SEMA3A: variants seen among roughly 807,000 people sequenced by gnomAD.
SEMA3A encodes the protein semaphorin 3A, also known as semaphorin-3A.
SEMA3A carries 29 observed loss-of-function variants against 97.9 expected under a neutral mutation model. That is an observed-to-expected ratio of 0.30 (90% CI 0.22 to 0.40). The LOEUF is 0.40. Among genes scored for constraint, SEMA3A ranks in the 10% least tolerant of loss-of-function variants. The probability of loss-of-function intolerance (pLI) is 1.00; values close to 1 mark genes in which losing one functional copy is unlikely to be tolerated. For missense variants in SEMA3A, 763 were observed against 951.3 expected (o/e 0.80, Z 2.60); for synonymous variants, 321 against 323.7 (o/e 0.99, Z 0.09).
chr7:84,173,690 CT>C (rs553987526), intron 1 of SEMA3A, among the ~76,000 whole-genome samples: 3 of 152,164 alleles, frequency 2.0e-5, no homozygotes, highest in Non-Finnish European at 4.4e-5. Flanking sequence ...TTCTACTCAG[CT>C]ACCCCATAGT....
At chr7:84,165,160 T>C (rs1169303435) in intron 1 of SEMA3A, among the ~76,000 whole-genome samples, 1 of 152,104 alleles carries the variant, frequency 6.6e-6, no homozygotes, top group African/African-American at 2.4e-5. Flanking sequence ...TGAACCGTGA[T>C]AGCGCCATTG....
intron 3 of SEMA3A, among the ~76,000 whole-genome samples, chr7:84,247,479 T>C (rs999434385): frequency 6.6e-6 from 1 of 152,162 alleles, no homozygotes; most frequent in African/African-American, 2.4e-5. Flanking sequence ...ATGGATAACA[T>C]ATGTAATTGG....
Position 84,054,754 on chromosome 7 carries a change from C to T in SEMA3A, c.547+5711G>A, listed in dbSNP as rs926511122. Reference sequence around the variant, plus strand: ...TTGTTCCGTTGCTGGTGAGGAACTGCGTTCCTTTGGAGGAGGAGAGGCGCT... The same window carrying T: ...TTGTTCCGTTGCTGGTGAGGAACTGTGTTCCTTTGGAGGAGGAGAGGCGCT... On this transcript the variant is annotated intron_variant, in intron 5 of 16. Coordinates refer to ENST00000265362, the MANE Select transcript of SEMA3A (RefSeq NM_006080.3). Among the ~76,000 whole-genome samples, 208 of 147,270 alleles carry T rather than the reference C, an allele frequency of 1.4e-3. 1 individual carries two copies. The highest frequency in any genetic ancestry group is 2.0e-3 in the African/African-American group (79 of 40,030).
intron 9 of SEMA3A, among the ~76,000 whole-genome samples, chr7:84,010,698 A>C (rs948465979): frequency 4.0e-5 from 6 of 150,378 alleles, no homozygotes; most frequent in Non-Finnish European, 8.8e-5. Flanking sequence ...ACTCTTCCCA[A>C]AACTCAGACT....
intron 2 of SEMA3A, 142 bp from the exon 3 acceptor site, chr7:84,129,327 C>T (rs769966370): frequency 7.5e-6 from 5 of 670,830 alleles, no homozygotes; most frequent in Non-Finnish European, 1.3e-5. Context: ...TCACTTTAGA[C>T]CTTCCAGTGG....
intron 1 of SEMA3A, among the ~76,000 whole-genome samples, chr7:84,404,061 T>G (rs1360770809): frequency 6.6e-6 from 1 of 152,064 alleles, no homozygotes; most frequent in Admixed American, 6.5e-5. Context: ...TTTGAAGAGT[T>G]GAGAGAAGAA....
chr7:84,207,944 G>A lies in SEMA3A; in HGVS notation c.-82-13276C>T, dbSNP rs369820900. On this transcript the variant is annotated intron_variant, in intron 3 of 3. Transcript: ENST00000424555. ...AGGTTTTTCTTCCTAAGATTATAAG[G>A]CATTTTAGTCTTGTGTATTTTATAT... 5.9e-5 allele frequency among the ~76,000 whole-genome samples: 9 copies of A among 152,140 alleles called. 1 individual carries two copies. Among genetic ancestry groups the A allele is most frequent in the Admixed American group, 1.3e-4 (2 of 15,280 alleles).
intron 4 of SEMA3A, among the ~76,000 whole-genome samples, chr7:84,091,275 GAAAA>G (rs1562774838): frequency 1.7e-5 from 2 of 119,100 alleles, no homozygotes; most frequent in East Asian, 4.1e-4. Flanking sequence ...GAAAAAGAAA[GAAAA>G]GAAAGAAAGA....
intron 1 of SEMA3A, among the ~76,000 whole-genome samples, chr7:84,445,421 G>A (rs1306550430): frequency 7.1e-6 from 1 of 140,142 alleles, no homozygotes; most frequent in African/African-American, 2.7e-5. Flanking sequence ...ATGAACCCAG[G>A]AGGCAGAGCT....
intron 1 of SEMA3A, among the ~76,000 whole-genome samples, chr7:84,487,158 G>T (rs1275824215): frequency 2.0e-5 from 3 of 152,028 alleles, no homozygotes; most frequent in Admixed American, 6.6e-5. Flanking sequence ...CAAATGAAAA[G>T]AAATATTTAA....
At chr7:84,099,228 G>A (rs1250876774) in intron 4 of SEMA3A, among the ~76,000 whole-genome samples, 193 of 107,080 alleles carry the variant, frequency 1.8e-3, no homozygotes, top group South Asian at 3.2e-3. Context: ...CCGCTACCAC[G>A]CCCGGCTAAT....
rs1790468205 is a variant in SEMA3A, at chr7:84,001,890, G to A, written c.1452+65C>T. 5.5e-6 allele frequency: 6 copies of A among 1,081,772 alleles called. 1 individual carries two copies. In the Admixed American group the frequency reaches 5.6e-5, roughly 10 times the overall value. 67.0% of individuals were successfully genotyped at this position (1,081,772 alleles called of 1,614,324 possible). ...TACTTGTCCATACCAAGTTCAGTGTGCAGCTGTCCTGGGGGAAAGACGTAC... is the reference window on the plus strand; with the variant it reads ...TACTTGTCCATACCAAGTTCAGTGTACAGCTGTCCTGGGGGAAAGACGTAC... On this transcript the variant is annotated intron_variant, in intron 12 of 16. Transcript: ENST00000265362.
intron 3 of SEMA3A, among the ~76,000 whole-genome samples, chr7:84,200,556 CG>C (rs1184996748): frequency 6.6e-6 from 1 of 152,062 alleles, no homozygotes; most frequent in Admixed American, 6.6e-5. Context: ...AGCTAAAATA[CG>C]GTTATAGAAA....
At position 83,989,655 on chromosome 7, in the gene SEMA3A, T is replaced by TG. The variant is rs1789810274; in HGVS notation, c.1453-4179_1453-4178insC. On this transcript the variant is annotated intron_variant, in intron 12 of 16. Transcript: ENST00000265362. ...CTACAAAGGACATGAACTCATCATT[T>TG]TTTATGGCTGCATAGTATTCCATGG... is the stretch of plus-strand genomic sequence containing the variant. 1.2e-4 allele frequency among the ~76,000 whole-genome samples: 15 copies of TG among 127,876 alleles called. No individual in the cohort carries two copies. In the South Asian group the frequency reaches 4.4e-3, roughly 38 times the overall value. The allele number at this position is 127,876 out of a possible 152,430, so 83.9% of individuals were successfully genotyped here. A position where few individuals can be genotyped will look rare whatever the true frequency, so the allele number is the denominator to read the frequency against.
intron 13 of SEMA3A, among the ~76,000 whole-genome samples, chr7:83,982,621 G>T (rs535224478): frequency 1.3e-5 from 2 of 152,116 alleles, no homozygotes; most frequent in African/African-American, 4.8e-5. Context: ...ACATTGAAAA[G>T]ACATCAAAAG....
At chr7:84,143,354 A>G (rs147963603) in intron 1 of SEMA3A, among the ~76,000 whole-genome samples, 15 of 152,342 alleles carry the variant, frequency 9.8e-5, no homozygotes, top group Non-Finnish European at 1.9e-4. Flanking sequence ...TCAAATTATT[A>G]AGGAAATATT....
intron 3 of SEMA3A, among the ~76,000 whole-genome samples, chr7:84,287,208 A>G (rs1191270748): frequency 6.6e-6 from 1 of 152,100 alleles, no homozygotes; most frequent in African/African-American, 2.4e-5. Context: ...GAATTTTTCA[A>G]GCTTTATTGA....
chr7:84,287,758 A>C (rs1040363709), intron 3 of SEMA3A, among the ~76,000 whole-genome samples: 2 of 152,116 alleles, frequency 1.3e-5, no homozygotes, highest in Admixed American at 1.3e-4. Flanking sequence ...AAGCACTCAA[A>C]TGCTGTTCGT....
chr7:84,254,773 A>G (rs1799680685), intron 3 of SEMA3A, among the ~76,000 whole-genome samples: 1 of 152,226 alleles, frequency 6.6e-6, no homozygotes, highest in South Asian at 2.1e-4. Context: ...ACACCTAATC[A>G]TTATCCATAC....
Sources: gnomAD v4.1 joint callset for allele counts (sites outside exome capture counted in the v4.1 genomes callset) on GRCh38, gnomAD v4.1.1 for gene constraint, MANE v1.5 for transcripts, NCBI Gene and HGNC (gene_info 2026-07-23, HGNC 2026-07-21) for gene names.